The following COL28A1 variants were observed in gnomAD, a reference collection of about 807,000 sequenced individuals.
The protein encoded by COL28A1 is collagen type XXVIII alpha 1 chain, also known as collagen alpha-1(XXVIII) chain.
COL28A1 carries 161 observed loss-of-function variants against 150.2 expected under a neutral mutation model. The observed-to-expected ratio is 1.07, with a 90% CI of 0.94 to 1.22. The LOEUF is 1.22. COL28A1 is among the 50% of genes most tolerant of loss of function. The probability of loss-of-function intolerance (pLI) is 0.00; values close to 1 mark genes in which losing one functional copy is unlikely to be tolerated. For synonymous variants in COL28A1, 552 were observed against 469.7 expected (o/e 1.18, Z -2.26); for missense variants, 1,617 against 1,388.3 (o/e 1.16, Z -2.62).
chr7:7,532,586 G>C (rs145515779), intron 2 of COL28A1, among the ~76,000 whole-genome samples, 166 bp downstream of exon 2: 1 of 151,982 alleles, frequency 6.6e-6, no homozygotes, highest in Non-Finnish European at 1.5e-5. Flanking sequence ...ACTCTGATGT[G>C]CTATAAGTAT....
At chr7:7,372,321 C>T (rs972997999) in intron 32 of COL28A1, among the ~76,000 whole-genome samples, 1 of 151,604 alleles carries the variant, frequency 6.6e-6, no homozygotes, top group South Asian at 2.1e-4. Flanking sequence ...ATCACTTGAA[C>T]CCGGGAAGCA....
intron 34 of COL28A1, among the ~76,000 whole-genome samples, 170 bp from the exon 35 acceptor site, chr7:7,358,975 T>C (rs73038743): frequency 0.029 from 4,401 of 150,208 alleles, 106 homozygotes; most frequent in Non-Finnish European, 0.047. Context: ...CCCAAAATAT[T>C]TCCCTCACCA....
intron 9 of COL28A1, among the ~76,000 whole-genome samples, chr7:7,510,586 ATATT>A (rs1315006388): frequency 6.6e-6 from 1 of 152,182 alleles, no homozygotes; most frequent in Non-Finnish European, 1.5e-5. Flanking sequence ...CGTTCAGCCT[ATATT>A]TATTTTTTAA....
chr7:7,534,631 C>T (rs1782546093), intron 1 of COL28A1, among the ~76,000 whole-genome samples: 1 of 152,160 alleles, frequency 6.6e-6, no homozygotes, highest in Non-Finnish European at 1.5e-5. Flanking sequence ...AATCAAGCAA[C>T]TCTTCAAAAC....
intron 26 of COL28A1, among the ~76,000 whole-genome samples, chr7:7,419,340 A>G (rs927493741): frequency 6.6e-6 from 1 of 152,316 alleles, no homozygotes; most frequent in Admixed American, 6.5e-5. Context: ...AAGCCAGGGA[A>G]GGGAAACAAA....
chr7:7,453,832 A>G (rs1472292640), intron 16 of COL28A1, among the ~76,000 whole-genome samples: 1 of 138,082 alleles, frequency 7.2e-6, no homozygotes, highest in African/African-American at 3.6e-5. Context: ...GGTTCATGCT[A>G]AAAGAAGAGG....
At chr7:7,418,719 T>C (rs1376825388) in intron 26 of COL28A1, among the ~76,000 whole-genome samples, 1 of 152,116 alleles carries the variant, frequency 6.6e-6, no homozygotes, top group African/African-American at 2.4e-5. Context: ...CTTTTTCTGA[T>C]TATAAGAGGA....
chr7:7,492,120 G>C (rs1198931664), intron 11 of COL28A1, among the ~76,000 whole-genome samples: 1 of 152,084 alleles, frequency 6.6e-6, no homozygotes, highest in Admixed American at 6.5e-5. Flanking sequence ...ACAGTAAAAT[G>C]AAACAGGAAA....
intron 23 of COL28A1, among the ~76,000 whole-genome samples, chr7:7,435,037 G>A (rs527444169): frequency 6.6e-6 from 1 of 152,246 alleles, no homozygotes; most frequent in Middle Eastern, 3.4e-3. Context: ...AACTAGGGAA[G>A]AACAACAGAA....
intron 11 of COL28A1, among the ~76,000 whole-genome samples, chr7:7,497,918 C>A (rs967790003): frequency 6.6e-6 from 1 of 152,142 alleles, no homozygotes; most frequent in Admixed American, 6.6e-5. Context: ...TGTCAAATCT[C>A]CAACTAAAAT....
At chr7:7,455,852 T>C (rs918403030) in intron 16 of COL28A1, among the ~76,000 whole-genome samples, 192 bp downstream of exon 16, 4 of 152,226 alleles carry the variant, frequency 2.6e-5, no homozygotes, top group African/African-American at 7.2e-5. Context: ...TTTTAAGCCT[T>C]TGGAAGTTCT....
chr7:7,345,514 AT>A, the COL28A1 span, among the ~76,000 whole-genome samples: 4 of 152,002 alleles, frequency 2.6e-5, no homozygotes, highest in Admixed American at 6.6e-5. Flanking sequence ...TTCCTATACC[AT>A]TTTTTATAGT....
Position 7,372,999 on chromosome 7 carries a change from T to C in COL28A1, c.2907A>G (p.Gln969=). Reference sequence around the variant, plus strand: ...CCTGGGCCAGATAGCCTTCCTTACCTTGCAGGGTAAAGAAATCATCAAACT... The same window carrying C: ...CCTGGGCCAGATAGCCTTCCTTACCCTGCAGGGTAAAGAAATCATCAAACT... ...VYQFDDFFTL[Q]DTLKQKLFQK... is the part of the protein sequence containing the mutation. The change falls in exon 32 of 35, where the codon CAA becomes CAG. Residue 969 remains glutamine (Q), a splice_region_variant and synonymous_variant. Coordinates refer to ENST00000399429, the MANE Select transcript of COL28A1 (RefSeq NM_001037763.3). 2.5e-6 allele frequency: 4 copies of C among 1,611,700 alleles called. No homozygotes were observed. Among genetic ancestry groups the C allele is most frequent in the Non-Finnish European group, 3.4e-6 (4 of 1,178,564 alleles).
At chr7:7,529,680 C>T (rs912702008) in intron 3 of COL28A1, among the ~76,000 whole-genome samples, 8 of 152,180 alleles carry the variant, frequency 5.3e-5, no homozygotes, top group African/African-American at 1.9e-4. Flanking sequence ...TGTGGCCAAA[C>T]AAGGAGCTGC....
At chr7:7,345,433 T>C in the COL28A1 span, among the ~76,000 whole-genome samples, 1 of 152,112 alleles carries the variant, frequency 6.6e-6, no homozygotes, top group Admixed American at 6.6e-5. Context: ...TAGTTACCAT[T>C]TCTGGTGTTC....
the COL28A1 span, among the ~76,000 whole-genome samples, chr7:7,349,067 CCTT>C: frequency 4.6e-5 from 7 of 151,974 alleles, no homozygotes; most frequent in African/African-American, 1.7e-4. Context: ...TATGTTGTGT[CCTT>C]CTTTTCAATC....
intron 27 of COL28A1, among the ~76,000 whole-genome samples, chr7:7,388,755 A>C (rs1489053612): frequency 6.6e-6 from 1 of 152,186 alleles, no homozygotes; most frequent in Non-Finnish European, 1.5e-5. Context: ...CTCTAATGAC[A>C]GTGATGATGA....
intron 27 of COL28A1, among the ~76,000 whole-genome samples, chr7:7,401,591 G>A (rs1194409875): frequency 4.6e-5 from 7 of 151,928 alleles, no homozygotes; most frequent in South Asian, 4.2e-4. Flanking sequence ...AGTTATCCTC[G>A]ACTTCTTTGT....
At chr7:7,393,075 T>C (rs1782639275) in intron 27 of COL28A1, among the ~76,000 whole-genome samples, 1 of 152,144 alleles carries the variant, frequency 6.6e-6, no homozygotes, top group Non-Finnish European at 1.5e-5. Context: ...TTTGTGCTTG[T>C]TTTTCCTCAT....
Sources: allele counts gnomAD v4.1 joint callset (sites outside exome capture counted in the v4.1 genomes callset), GRCh38; gene constraint gnomAD v4.1.1; transcripts MANE v1.5; gene names NCBI Gene and HGNC (gene_info 2026-07-23, HGNC 2026-07-21).